Variants in CACNA2D1 observed in about 807,000 individuals in gnomAD.
CACNA2D1 encodes calcium voltage-gated channel auxiliary subunit alpha2delta 1, also known as voltage-dependent calcium channel subunit alpha-2/delta-1.
CACNA2D1 carries 53 observed loss-of-function variants against 171.5 expected under a neutral mutation model. The ratio of observed to expected loss-of-function variants is 0.31; its 90% CI spans 0.25 to 0.39. CACNA2D1 has a LOEUF of 0.39. CACNA2D1 is among the 10% of genes least tolerant of loss of function. The pLI is 1.00. For synonymous variants in CACNA2D1, 442 were observed against 443.1 expected, an observed-to-expected ratio of 1.00 and a Z score of 0.03; for missense variants, 903 against 1,299.8, an observed-to-expected ratio of 0.69 and a Z score of 4.69.
chr7:82,414,850 T>C (rs1828008841), intron 1 of CACNA2D1, among the ~76,000 whole-genome samples: 1 of 152,202 alleles, frequency 6.6e-6, no homozygotes, highest in Admixed American at 6.5e-5. Flanking sequence ...AGTGCACTGG[T>C]TATAGCTACT....
intron 10 of CACNA2D1, among the ~76,000 whole-genome samples, chr7:82,057,213 T>A (rs528223257): frequency 3.7e-4 from 57 of 152,292 alleles, no homozygotes; most frequent in Admixed American, 2.0e-4. Flanking sequence ...TTGGTCATAG[T>A]GGGAATATTT....
At chr7:82,436,476 G>C (rs1167330304) in intron 1 of CACNA2D1, among the ~76,000 whole-genome samples, 1 of 152,028 alleles carries the variant, frequency 6.6e-6, no homozygotes, top group East Asian at 1.9e-4. Context: ...CTTATGTTCT[G>C]AGATCTAGAT....
intron 3 of CACNA2D1, among the ~76,000 whole-genome samples, chr7:82,276,530 G>T (rs1368535817): frequency 6.6e-6 from 1 of 152,102 alleles, no homozygotes; most frequent in East Asian, 1.9e-4. Flanking sequence ...GTTCAGGGAT[G>T]GTGGCAAGAG....
Position 82,050,512 on chromosome 7 carries a change from G to T in CACNA2D1, c.879+9916C>A. The T allele has an allele frequency of 1.4e-5, 10 of 696,630 alleles. No homozygotes were observed. The South Asian group carries it at 1.5e-4, about 10-fold the overall frequency. The allele number at this position is 696,630 out of a possible 1,614,324, so 43.2% of individuals were successfully genotyped here. Reference sequence around the variant, plus strand: ...GGAGTCCCAAGATGAGGAAGTCCCTGATCTTATACAGGGGCTTCTGATGGC... The same window carrying T: ...GGAGTCCCAAGATGAGGAAGTCCCTTATCTTATACAGGGGCTTCTGATGGC... On this transcript the variant is annotated intron_variant, in intron 10 of 38. Coordinates refer to ENST00000356860, the MANE Select transcript of CACNA2D1 (RefSeq NM_000722.4).
chr7:82,232,178 AT>A (rs1563233531), intron 3 of CACNA2D1, among the ~76,000 whole-genome samples: 1 of 152,264 alleles, frequency 6.6e-6, no homozygotes, highest in South Asian at 2.1e-4. Context: ...TTCCAAAATA[AT>A]TTTTGCCAGT....
chr7:82,381,087 C>T (rs928664310), intron 1 of CACNA2D1, among the ~76,000 whole-genome samples: 3 of 151,790 alleles, frequency 2.0e-5, no homozygotes, highest in African/African-American at 7.3e-5. Context: ...CCGAGGTGGG[C>T]GGATCACGAG....
intron 7 of CACNA2D1, among the ~76,000 whole-genome samples, chr7:82,082,205 C>T (rs913739206): frequency 1.3e-5 from 2 of 152,172 alleles, no homozygotes; most frequent in African/African-American, 4.8e-5. Context: ...TGTCCTCCAC[C>T]AGCGGAGGGC....
chr7:82,441,208 T>C (rs551886772), intron 1 of CACNA2D1, among the ~76,000 whole-genome samples: 1 of 152,170 alleles, frequency 6.6e-6, no homozygotes, highest in East Asian at 1.9e-4. Flanking sequence ...ATAAAGTTTA[T>C]TCAGAAATCT....
At chr7:82,415,747 T>G (rs1828107516) in intron 1 of CACNA2D1, among the ~76,000 whole-genome samples, 1 of 152,074 alleles carries the variant, frequency 6.6e-6, no homozygotes, top group Non-Finnish European at 1.5e-5. Context: ...TAGATTAATC[T>G]TAATTTAATT....
intron 4 of CACNA2D1, among the ~76,000 whole-genome samples, chr7:82,162,211 A>C (rs38536): frequency 0.53 from 80,508 of 151,720 alleles, 22,590 homozygotes; most frequent in African/African-American, 0.73. Context: ...AATGTGAAAA[A>C]TGCAGAGGTC....
chr7:82,097,888 C>A (rs1165956652), intron 6 of CACNA2D1, among the ~76,000 whole-genome samples: 1 of 134,046 alleles, frequency 7.5e-6, no homozygotes, highest in Non-Finnish European at 1.7e-5. Context: ...CCGAGGCAGG[C>A]AGATCACTTG....
intron 3 of CACNA2D1, among the ~76,000 whole-genome samples, chr7:82,279,144 G>T (rs1045760869): frequency 2.6e-5 from 4 of 152,178 alleles, no homozygotes; most frequent in Non-Finnish European, 5.9e-5. Flanking sequence ...TTTGGAGAAA[G>T]AATAGAATTT....
At chr7:82,365,482 G>A (rs541351122) in intron 1 of CACNA2D1, among the ~76,000 whole-genome samples, 27 of 152,074 alleles carry the variant, frequency 1.8e-4, no homozygotes, top group Admixed American at 5.2e-4. Flanking sequence ...TTATTCTCAG[G>A]AAAATAATGT....
At chr7:82,010,483 G>A (rs1304372281) in intron 15 of CACNA2D1, among the ~76,000 whole-genome samples, 1 of 151,426 alleles carries the variant, frequency 6.6e-6, no homozygotes, top group African/African-American at 2.4e-5. Context: ...TACCAGCAAT[G>A]CAGACATGCT....
intron 5 of CACNA2D1, among the ~76,000 whole-genome samples, chr7:82,127,581 G>T (rs1409398172): frequency 3.3e-5 from 5 of 152,016 alleles, no homozygotes; most frequent in Admixed American, 2.6e-4. Context: ...TATTGTATAA[G>T]GTATTATACC....
chr7:81,968,544 C>T (rs1794942766), intron 29 of CACNA2D1, among the ~76,000 whole-genome samples: 2 of 151,328 alleles, frequency 1.3e-5, no homozygotes, highest in Middle Eastern at 3.4e-3. Flanking sequence ...GGCCATATAA[C>T]TTTGTACGTA....
At chr7:82,089,808 CAACCAATAA>C (rs1253121615) in intron 6 of CACNA2D1, among the ~76,000 whole-genome samples, 1 of 152,160 alleles carries the variant, frequency 6.6e-6, no homozygotes, top group Non-Finnish European at 1.5e-5. Context: ...CTGCAAACTT[CAACCAATAA>C]AATGTTGCAC....
chr7:81,956,748 A>G (rs867762934), intron 38 of CACNA2D1, among the ~76,000 whole-genome samples: 2 of 152,074 alleles, frequency 1.3e-5, no homozygotes, highest in African/African-American at 4.8e-5. Context: ...TTCCTAATCA[A>G]TGACTACTTG....
intron 5 of CACNA2D1, among the ~76,000 whole-genome samples, chr7:82,125,264 T>A (rs368067175): frequency 6.6e-6 from 1 of 152,336 alleles, no homozygotes; most frequent in South Asian, 2.1e-4. Flanking sequence ...AGGTTGAACT[T>A]ACTTCATTTG....
Sources: allele counts gnomAD v4.1 joint callset (sites outside exome capture counted in the v4.1 genomes callset), GRCh38; gene constraint gnomAD v4.1.1; transcripts MANE v1.5; gene names NCBI Gene and HGNC (gene_info 2026-07-23, HGNC 2026-07-21).